Variants in LRRK2 observed in about 807,000 individuals in gnomAD.
The protein encoded by LRRK2 is leucine-rich repeat serine/threonine-protein kinase 2.
Under a neutral mutation model 302.6 loss-of-function variants are expected in LRRK2, and 203 were observed. That is an observed-to-expected ratio of 0.67 (90% CI 0.60 to 0.75). The LOEUF (loss-of-function observed/expected upper bound fraction) is 0.75, where lower values mean the gene tolerates loss of function less well. LRRK2 is among the 30% of genes least tolerant of loss of function. The pLI is 0.00. For missense variants in LRRK2, 2,830 were observed against 2,951.0 expected, an observed-to-expected ratio of 0.96 and a Z score of 0.95; for synonymous variants, 1,066 against 1,031.9, an observed-to-expected ratio of 1.03 and a Z score of -0.63.
At position 40,298,299 on chromosome 12, in the gene LRRK2, T is replaced by G; in HGVS notation, c.3153T>G (p.Pro1051=). ...ACAGTAATAAATTTACATCATTTCC[T>G]TCTTATTTGTTGAAAATGAGTTGTA... ...DLHSNKFTSF[P]SYLLKMSCIA... The change falls in exon 24 of 51, where the codon CCT becomes CCG. Residue 1051 remains proline, a synonymous_variant. Transcript: ENST00000298910. 1 of 1,613,618 alleles carries G rather than the reference T, an allele frequency of 6.2e-7. No homozygotes were observed. The highest frequency in any genetic ancestry group is 8.5e-7 in the Non-Finnish European group (1 of 1,179,656).
chr12:40,285,617 A>G (rs770465931), intron 19 of LRRK2, among the ~76,000 whole-genome samples: 2 of 152,102 alleles, frequency 1.3e-5, no homozygotes, highest in Non-Finnish European at 1.5e-5. Context: ...GTGCACAAAA[A>G]TTATGTACAA....
chr12:40,364,309 C>T (rs1335965247), intron 48 of LRRK2, among the ~76,000 whole-genome samples: 1 of 151,830 alleles, frequency 6.6e-6, no homozygotes, highest in Non-Finnish European at 1.5e-5. Context: ...CAACAGGTCT[C>T]CTTGATAAAG....
intron 14 of LRRK2, among the ~76,000 whole-genome samples, chr12:40,265,569 G>C (rs1431487759): frequency 6.6e-6 from 1 of 152,068 alleles, no homozygotes; most frequent in Admixed American, 6.6e-5. Context: ...GCATATTCTA[G>C]GTTGTCCTCT....
chr12:40,332,969 A>AG (rs1304181691), intron 39 of LRRK2, among the ~76,000 whole-genome samples: 1 of 151,146 alleles, frequency 6.6e-6, no homozygotes, highest in Non-Finnish European at 1.5e-5. Flanking sequence ...TTAAAAAAAA[A>AG]AAAAGAAAAA....
chr12:40,340,466 G>A lies in LRRK2; in HGVS notation c.6109+12G>A, dbSNP rs957662500. 3 of 1,613,480 alleles carry A rather than the reference G, an allele frequency of 1.9e-6. No homozygotes were observed. The African/African-American group carries it at 4.0e-5, about 22-fold the overall frequency. ...AGAGGGCACACCAGGTAGGTGATCA[G>A]GTCTGTCTCATAATTCTATCTTCAG... is the stretch of plus-strand genomic sequence containing the variant. On this transcript the variant is annotated intron_variant, in intron 41 of 50. Coordinates refer to ENST00000298910, the MANE Select transcript of LRRK2 (RefSeq NM_198578.4).
At chr12:40,313,249 A>G (rs1217395596) in intron 31 of LRRK2, among the ~76,000 whole-genome samples, 2 of 152,088 alleles carry the variant, frequency 1.3e-5, no homozygotes, top group Non-Finnish European at 2.9e-5. Context: ...ATATTTTAAA[A>G]AACGTTTGGA....
chr12:40,360,674 G>A (rs1401610142), intron 47 of LRRK2, among the ~76,000 whole-genome samples: 1 of 152,092 alleles, frequency 6.6e-6, no homozygotes, highest in East Asian at 1.9e-4. Context: ...TTTATATGAA[G>A]TCCAAATTCC....
At chr12:40,264,649 A>C (rs1942929666) in intron 14 of LRRK2, among the ~76,000 whole-genome samples, 1 of 152,078 alleles carries the variant, frequency 6.6e-6, no homozygotes, top group Non-Finnish European at 1.5e-5. Flanking sequence ...ACAAACAAAA[A>C]CAGTAAAGTC....
Position 40,232,262 on chromosome 12 carries a change from T to C in LRRK2, c.238-12T>C. 1 of 1,589,486 alleles carries C rather than the reference T, an allele frequency of 6.3e-7. No homozygotes were observed. The highest frequency in any genetic ancestry group is 8.6e-7 in the Non-Finnish European group (1 of 1,157,566). ...TTTAAAACATGTGAATATATGTCTTTCTTGTTTTCAGGTGGGTTGGTCACT... is the reference window on the plus strand; with the variant it reads ...TTTAAAACATGTGAATATATGTCTTCCTTGTTTTCAGGTGGGTTGGTCACT... On this transcript the variant is annotated splice_polypyrimidine_tract_variant and intron_variant, in intron 2 of 50. Transcript: ENST00000298910.
rs1946771467 is a variant in LRRK2 at position 40,363,308 on chromosome 12, T to C, written c.7029-94T>C. On this transcript the variant is annotated intron_variant, in intron 47 of 50. Coordinates refer to ENST00000298910, the MANE Select transcript of LRRK2 (RefSeq NM_198578.4). ...GCTTGTTTAGTTTTCAAAATAGTGTTTTTACATTAAGAACTAATATAAGGT... is the reference window on the plus strand; with the variant it reads ...GCTTGTTTAGTTTTCAAAATAGTGTCTTTACATTAAGAACTAATATAAGGT... 14 of 748,954 alleles carry C rather than the reference T, an allele frequency of 1.9e-5. No individual in the cohort carries two copies. In the Admixed American group the frequency reaches 2.6e-4, roughly 14 times the overall value. 46.4% of individuals were successfully genotyped at this position (748,954 alleles called of 1,614,324 possible). A position where few individuals can be genotyped will look rare whatever the true frequency, so the allele number is the denominator to read the frequency against.
intron 10 of LRRK2, among the ~76,000 whole-genome samples, chr12:40,252,512 T>C (rs531290353): frequency 6.6e-6 from 1 of 152,272 alleles, no homozygotes; most frequent in South Asian, 2.1e-4. Flanking sequence ...AAGATAACTT[T>C]AAAATAAATA....
chr12:40,307,009 C>A (rs1944848092), intron 28 of LRRK2, among the ~76,000 whole-genome samples: 1 of 151,668 alleles, frequency 6.6e-6, no homozygotes, highest in African/African-American at 2.4e-5. Context: ...AACTAGCTTT[C>A]AGTGTATTAT....
intron 14 of LRRK2, among the ~76,000 whole-genome samples, chr12:40,265,436 G>A (rs1404779974): frequency 6.6e-6 from 1 of 152,146 alleles, no homozygotes; most frequent in Non-Finnish European, 1.5e-5. Context: ...CTTATACCCT[G>A]ACAGAATTCA....
chr12:40,301,131 G>T lies in LRRK2; in HGVS notation c.3497-1658G>T. The T allele has an allele frequency of 6.6e-6, 3 of 456,414 alleles. No individual in the cohort carries two copies. In the Admixed American group the frequency reaches 7.0e-5, roughly 11 times the overall value. The allele number at this position is 456,414 out of a possible 1,614,324, so 28.3% of individuals were successfully genotyped here. ...CCCCAGTTCAAAATCTGTTTGCTTT[G>T]CACTACACAATCTTAATAGTTTGAG... On this transcript the variant is annotated intron_variant, in intron 25 of 50. Transcript: ENST00000298910.
At chr12:40,290,539 A>C (rs1179448778) in intron 20 of LRRK2, among the ~76,000 whole-genome samples, 1 of 152,026 alleles carries the variant, frequency 6.6e-6, no homozygotes, top group Non-Finnish European at 1.5e-5. Flanking sequence ...TGTGAGGAGG[A>C]GATTTAGAAT....
intron 8 of LRRK2, 21 bp downstream of exon 8, chr12:40,249,966 G>T: frequency 6.2e-7 from 1 of 1,612,798 alleles, no homozygotes; most frequent in South Asian, 1.1e-5. Context: ...TCACTAAAAA[G>T]GGGATTCTTA....
At chr12:40,313,307 A>C (rs1030189932) in intron 31 of LRRK2, among the ~76,000 whole-genome samples, 1 of 152,022 alleles carries the variant, frequency 6.6e-6, no homozygotes, top group African/African-American at 2.4e-5. Context: ...TTCTTTAAAA[A>C]AATCTTATTT....
chr12:40,337,205 A>C (rs1229554757), intron 40 of LRRK2, among the ~76,000 whole-genome samples: 1 of 152,222 alleles, frequency 6.6e-6, no homozygotes, highest in Non-Finnish European at 1.5e-5. Context: ...ATGTTTCAGC[A>C]CAGGAAATAA....
At chr12:40,367,347 A>G in intron 50 of LRRK2, 1 of 441,712 alleles carries the variant, frequency 2.3e-6, no homozygotes, top group Non-Finnish European at 4.0e-6. Context: ...ACTTATCTAT[A>G]TCTACATAAT....
Sources: allele counts gnomAD v4.1 joint callset (sites outside exome capture counted in the v4.1 genomes callset), GRCh38; gene constraint gnomAD v4.1.1; transcripts MANE v1.5; gene names NCBI Gene and HGNC (gene_info 2026-07-23, HGNC 2026-07-21).